The following TMEM266 variants were observed in gnomAD, a reference collection of about 807,000 sequenced individuals.
TMEM266 encodes the protein transmembrane protein 266, also known as Hv1 related protein 1.
Under a neutral mutation model 50.5 loss-of-function variants are expected in TMEM266, and 33 were observed. The ratio of observed to expected loss-of-function variants is 0.65; its 90% CI spans 0.50 to 0.87. The LOEUF is 0.87. TMEM266 is among the 40% of genes least tolerant of loss of function. The pLI is 0.00. For missense variants in TMEM266, 655 were observed against 695.1 expected, an observed-to-expected ratio of 0.94 and a Z score of 0.65; for synonymous variants, 310 against 292.3, an observed-to-expected ratio of 1.06 and a Z score of -0.62.
chr15:76,201,308 G>A (rs1334491571), intron 9 of TMEM266, among the ~76,000 whole-genome samples: 1 of 152,204 alleles, frequency 6.6e-6, no homozygotes, highest in Admixed American at 6.5e-5. Context: ...CCAGCACCTG[G>A]CTTTCCTCCC....
At chr15:76,143,438 A>G (rs1224297412) in intron 3 of TMEM266, among the ~76,000 whole-genome samples, 1 of 152,144 alleles carries the variant, frequency 6.6e-6, no homozygotes, top group African/African-American at 2.4e-5. Context: ...TCCTTTGTCC[A>G]GCATTTGAAA....
intron 1 of TMEM266, among the ~76,000 whole-genome samples, chr15:76,119,882 C>T (rs2037313992): frequency 6.6e-6 from 1 of 152,060 alleles, no homozygotes; most frequent in Non-Finnish European, 1.5e-5. Flanking sequence ...TTGCTTTTGC[C>T]ATTGTCCTCC....
At chr15:76,087,592 A>G (rs1022661237) in intron 1 of TMEM266, among the ~76,000 whole-genome samples, 8 of 152,080 alleles carry the variant, frequency 5.3e-5, no homozygotes, top group Admixed American at 3.9e-4. Flanking sequence ...AAGGACCTGG[A>G]GTCATCAGGA....
In TMEM266 at chr15:76,089,275, A is replaced by AGCT. The variant is rs200961304; in HGVS notation, c.-97+29259_-97+29260insGCT. 3.3e-5 allele frequency among the ~76,000 whole-genome samples: 5 copies of AGCT among 151,562 alleles called. No homozygotes were observed. In the East Asian group the frequency reaches 9.9e-4, roughly 30 times the overall value. On this transcript the variant is annotated intron_variant, in intron 1 of 10. Transcript: ENST00000388942. Reference sequence around the variant, plus strand: ...AGTGGCGTAATCTCGGCTCACTGCAACTGCCGCTCCGGGTTCATGCCATTC... The same window carrying AGCT: ...AGTGGCGTAATCTCGGCTCACTGCAAGCTCTGCCGCTCCGGGTTCATGCCATTC...
At position 76,168,490 on chromosome 15, in the gene TMEM266, G is replaced by A. The variant is rs752774874; in HGVS notation, c.457-1326G>A. The stretch of plus-strand genomic sequence containing the variant: ...GGGGCACCATCTGGTGTGAATCACC[G>A]TGAATTAAAGTCATCTTGGCTCAAG... On this transcript the variant is annotated intron_variant, in intron 5 of 10. Transcript: ENST00000388942. This position sits in a 1 kb window ranked among gnomAD's most constrained non-coding sequence, Gnocchi z 4.4. Among the ~76,000 whole-genome samples the A allele has an allele frequency of 6.6e-6, 1 of 152,304 alleles. No homozygotes were observed. Among genetic ancestry groups the A allele is most frequent in the South Asian group, 2.1e-4 (1 of 4,828 alleles).
chr15:76,066,205 C>T (rs1408254156), intron 1 of TMEM266, among the ~76,000 whole-genome samples: 3 of 152,188 alleles, frequency 2.0e-5, no homozygotes, highest in Non-Finnish European at 4.4e-5. Context: ...CTTCCAAAAT[C>T]CTTTTTCCTC....
rs147115289 is a variant in TMEM266 at position 76,086,229 on chromosome 15, T to A, written c.-97+26213T>A. ...CTACTCATAGATGCAATAACCTAGATGAGTCTCAGACATTATGTTGAGCTG... is the reference window on the plus strand; with the variant it reads ...CTACTCATAGATGCAATAACCTAGAAGAGTCTCAGACATTATGTTGAGCTG... On this transcript the variant is annotated intron_variant, in intron 1 of 10. Coordinates refer to ENST00000388942, the MANE Select transcript of TMEM266 (RefSeq NM_152335.3). 2.7e-4 allele frequency among the ~76,000 whole-genome samples: 41 copies of A among 152,278 alleles called. No homozygotes were observed. In the East Asian group the frequency reaches 7.7e-3, roughly 29 times the overall value.
At chr15:76,179,799 C>T (rs1454082056) in intron 8 of TMEM266, among the ~76,000 whole-genome samples, 1 of 152,152 alleles carries the variant, frequency 6.6e-6, no homozygotes, top group African/African-American at 2.4e-5. Flanking sequence ...AGTTTAAATA[C>T]AACACCTGGC....
chr15:76,069,132 A>G (rs558524498), intron 1 of TMEM266, among the ~76,000 whole-genome samples: 10 of 152,300 alleles, frequency 6.6e-5, no homozygotes, highest in Non-Finnish European at 1.5e-4. Context: ...TAAGTTTTCA[A>G]ACTACAAAAT....
In TMEM266 at chr15:76,164,881, G is replaced by A. The variant is rs187110884; in HGVS notation, c.456+4713G>A. 5.4e-3 allele frequency among the ~76,000 whole-genome samples: 823 copies of A among 152,198 alleles called. 4 individuals carry two copies. The highest frequency in any genetic ancestry group is 6.9e-3 in the Non-Finnish European group (470 of 67,986). On this transcript the variant is annotated intron_variant, in intron 5 of 10. Transcript: ENST00000388942. ...CATGGGGATGGCTCTGCAGGGCACAGGGGTGTCCAGCCCCCATTCTGCTCA... is the reference window on the plus strand; with the variant it reads ...CATGGGGATGGCTCTGCAGGGCACAAGGGTGTCCAGCCCCCATTCTGCTCA...
At chr15:76,115,104 C>G (rs1043697310) in intron 1 of TMEM266, among the ~76,000 whole-genome samples, 2 of 152,198 alleles carry the variant, frequency 1.3e-5, no homozygotes, top group Non-Finnish European at 2.9e-5. Context: ...GACCCCACCT[C>G]TATTTTTTTA....
At chr15:76,145,369 T>G (rs538847175) in intron 3 of TMEM266, among the ~76,000 whole-genome samples, 212 of 152,028 alleles carry the variant, frequency 1.4e-3, no homozygotes, top group African/African-American at 4.8e-3. Context: ...TTTCCACTGG[T>G]TCCTTCCAAG....
At chr15:76,170,886 C>G in intron 6 of TMEM266, 107 bp from the exon 7 acceptor site, 2 of 1,392,290 alleles carry the variant, frequency 1.4e-6, no homozygotes, top group South Asian at 2.9e-5. Context: ...CTGGTGGGGG[C>G]CCGGGCTGCT....
chr15:76,098,984 A>T (rs2036960279), intron 1 of TMEM266, among the ~76,000 whole-genome samples: 1 of 152,112 alleles, frequency 6.6e-6, no homozygotes, highest in Non-Finnish European at 1.5e-5. Flanking sequence ...GGCAGTGGGA[A>T]TTTCAAACTA....
At chr15:76,119,114 T>G (rs2037297355) in intron 1 of TMEM266, among the ~76,000 whole-genome samples, 1 of 152,192 alleles carries the variant, frequency 6.6e-6, no homozygotes, top group Non-Finnish European at 1.5e-5. Context: ...TGGTGCCATC[T>G]TCCCAGAGTT....
rs1275368738 is a variant in TMEM266, at chr15:76,130,230, AAAAAAAAAAAAAAAAAAAAAAAAAC to A, written c.-96-3937_-96-3913del. On this transcript the variant is annotated intron_variant, in intron 1 of 10. Transcript: ENST00000388942. ...AGTGAGACCCTGTCAAAAAAAAAAA[AAAAAAAAAAAAAAAAAAAAAAAAAC>A]CGCCGGGTGCAGTGTCTCATGCCTG... Among the ~76,000 whole-genome samples, 22 of 107,644 alleles carry A rather than the reference AAAAAAAAAAAAAAAAAAAAAAAAAC, an allele frequency of 2.0e-4. 1 individual carries two copies. In the Admixed American group the frequency reaches 2.1e-3, roughly 10 times the overall value. The allele number at this position is 107,644 out of a possible 152,430, so 70.6% of individuals were successfully genotyped here. A position where few individuals can be genotyped will look rare whatever the true frequency, so the allele number is the denominator to read the frequency against.
In TMEM266 at chr15:76,204,093, G is replaced by A. The variant is rs779182339; in HGVS notation, c.1374G>A (p.Leu458=). 8.1e-6 allele frequency: 13 copies of A among 1,612,648 alleles called. No homozygotes were observed. In the East Asian group the frequency reaches 2.9e-4, roughly 36 times the overall value. ...ACCCCTGCCCTTCCCAGAAGGCCTT[G>A]GACCCAGCCCCCCTCGCCCGGCCCA... Residue 458 remains leucine (L), a synonymous_variant, in exon 11 of 11, where the codon TTG becomes TTA. Coordinates refer to ENST00000388942, the MANE Select transcript of TMEM266 (RefSeq NM_152335.3).
chr15:76,065,874 G>A (rs943419224), intron 1 of TMEM266, among the ~76,000 whole-genome samples: 2 of 152,060 alleles, frequency 1.3e-5, no homozygotes, highest in African/African-American at 4.8e-5. Flanking sequence ...CCACTTCTGA[G>A]GCTTTGTCCC....
rs59287886 is a variant in TMEM266 at position 76,180,607 on chromosome 15, C to CTTTTT, written c.768+4953_768+4957dup. The stretch of plus-strand genomic sequence containing the variant: ...TTACTCTCTGTTTCTTCATCTTAAG[C>CTTTTT]TTTTTTTTTTTTTTTTTTTTTTTTG... On this transcript the variant is annotated intron_variant, in intron 8 of 10. Coordinates refer to ENST00000388942, the MANE Select transcript of TMEM266 (RefSeq NM_152335.3). Among the ~76,000 whole-genome samples the CTTTTT allele has an allele frequency of 2.6e-3, 162 of 63,144 alleles. 8 individuals carry two copies. Among genetic ancestry groups the CTTTTT allele is most frequent in the South Asian group, 3.7e-3 (4 of 1,094 alleles). The allele number at this position is 63,144 out of a possible 152,430, so 41.4% of individuals were successfully genotyped here. A position where few individuals can be genotyped will look rare whatever the true frequency, so the allele number is the denominator to read the frequency against.
Sources: gnomAD v4.1 joint callset for allele counts (sites outside exome capture counted in the v4.1 genomes callset) on GRCh38, gnomAD v4.1.1 for gene constraint, Gnocchi (gnomAD v3.1) non-coding constraint, MANE v1.5 for transcripts, NCBI Gene and HGNC (gene_info 2026-07-23, HGNC 2026-07-21) for gene names.